Variants in DST observed in about 807,000 individuals in gnomAD.
DST encodes the protein bullous pemphigoid antigen.
DST carries 253 observed loss-of-function variants against 875.2 expected under a neutral mutation model. That is an observed-to-expected ratio of 0.29 (90% confidence interval 0.26 to 0.32). The LOEUF (loss-of-function observed/expected upper bound fraction) is 0.32. Among genes scored for constraint, DST ranks in the 10% least tolerant of loss-of-function variants. The pLI, the probability that DST is intolerant of heterozygous loss-of-function variation, is 1.00. For missense variants in DST, 8,287 were observed against 9,111.6 expected, an observed-to-expected ratio of 0.91 and a Z score of 3.68; for synonymous variants, 3,124 against 3,197.1, an observed-to-expected ratio of 0.98 and a Z score of 0.77.
chr6:56,891,576 A>G (rs1787520083), intron 3 of DST, among the ~76,000 whole-genome samples: 1 of 150,966 alleles, frequency 6.6e-6, no homozygotes. Context: ...AAAAAAAAAA[A>G]AAAAAAAAAA....
chr6:56,557,447 G>C lies in DST; in HGVS notation c.14512C>G (p.Leu4838Val). The part of the protein sequence containing the change: ...QQKLEESSNN[L>V]TQFQTVEAQL... ...GCCTCTACAGTCTGGAACTGGGTTA[G>C]ATTATTGGAGGATTCTTCCAGTTTT... The change falls in exon 59 of 104, where the codon CTA (leucine) becomes GTA (valine). Residue 4838 changes from leucine to valine, a missense_variant. Physicochemically the swap from Leu to Val is conservative, Grantham distance 32 (BLOSUM62 1). Coordinates refer to ENST00000680361, the MANE Select transcript of DST (RefSeq NM_001374736.1). 1 of 1,613,692 alleles carries C rather than the reference G, an allele frequency of 6.2e-7. No individual in the cohort carries two copies. Among genetic ancestry groups the C allele is most frequent in the Non-Finnish European group, 8.5e-7 (1 of 1,179,698 alleles).
intron 10 of DST, 191 bp downstream of exon 10, chr6:56,670,450 T>C: frequency 2.5e-6 from 1 of 401,356 alleles, no homozygotes. Context: ...CTACCCACTT[T>C]GGCTTCCCTA....
chr6:56,518,599 T>G (rs2096639677), intron 69 of DST, among the ~76,000 whole-genome samples: 1 of 152,206 alleles, frequency 6.6e-6, no homozygotes, highest in Non-Finnish European at 1.5e-5. Flanking sequence ...TCTGTTGGCA[T>G]CTCTAGTTAG....
In DST at chr6:56,670,440, CT is replaced by C. The variant is rs2099095765; in HGVS notation, c.1214+200del. On this transcript the variant is annotated intron_variant, in intron 10 of 103. Coordinates refer to ENST00000680361, the MANE Select transcript of DST (RefSeq NM_001374736.1). ...TCTCGAACTCCCAGGCTCAAGCAAT[CT>C]ACCCACTTTGGCTTCCCTAAGTCCT... The C allele has an allele frequency of 2.1e-5, 8 of 382,598 alleles. No homozygotes were observed. The South Asian group carries it at 5.5e-4, about 26-fold the overall frequency. The allele number at this position is 382,598 out of a possible 1,614,324, so 23.7% of individuals were successfully genotyped here. A position where few individuals can be genotyped will look rare whatever the true frequency, so the allele number is the denominator to read the frequency against.
intron 50 of DST, among the ~76,000 whole-genome samples, 187 bp downstream of exon 50, chr6:56,578,627 G>A (rs190642426): frequency 3.3e-5 from 5 of 152,108 alleles, no homozygotes; most frequent in South Asian, 2.1e-4. Context: ...CATAGCCCCC[G>A]CCTCTAAGAT....
chr6:56,597,978 C>G lies in DST; in HGVS notation c.11957G>C (p.Ser3986Thr). The G allele has an allele frequency of 6.2e-7, 1 of 1,608,036 alleles. No individual in the cohort carries two copies. The highest frequency in any genetic ancestry group is 8.5e-7 in the Non-Finnish European group (1 of 1,176,446). The change falls in exon 47 of 104, where the codon AGC (serine) becomes ACC (threonine). Residue 3986 changes from serine to threonine, a missense_variant. Ser to Thr is a moderately conservative substitution (Grantham distance 58, BLOSUM62 1). Transcript: ENST00000680361. ...KVAAVKQLEE[S>T]KTKIENLLDW... ...CAAAAGGTTTTCTATTTTGGTTTTGCTCTCTTCCAGCTGCTTCACTGCTGC... is the reference window on the plus strand; with the variant it reads ...CAAAAGGTTTTCTATTTTGGTTTTGGTCTCTTCCAGCTGCTTCACTGCTGC...
intron 99 of DST, among the ~76,000 whole-genome samples, chr6:56,465,547 G>A (rs1173538343): frequency 6.6e-6 from 1 of 151,908 alleles, no homozygotes; most frequent in East Asian, 1.9e-4. Flanking sequence ...GAGAGCTATA[G>A]TATTATATGT....
At chr6:56,530,739 A>G (rs532803206) in intron 64 of DST, among the ~76,000 whole-genome samples, 2 of 152,190 alleles carry the variant, frequency 1.3e-5, no homozygotes, top group Non-Finnish European at 1.5e-5. Flanking sequence ...TTGGACTTTT[A>G]CTGGTACTTT....
intron 34 of DST, among the ~76,000 whole-genome samples, chr6:56,625,990 A>T (rs562596157): frequency 2.4e-4 from 36 of 147,756 alleles, no homozygotes; most frequent in African/African-American, 9.3e-4. Flanking sequence ...AAAAAAAAAA[A>T]CCAAAAATTA....
intron 9 of DST, among the ~76,000 whole-genome samples, chr6:56,691,335 C>T (rs927448484): frequency 1.3e-5 from 2 of 152,040 alleles, no homozygotes; most frequent in African/African-American, 4.8e-5. Flanking sequence ...ATAAACAGAA[C>T]TGATGGCATA....
intron 72 of DST, among the ~76,000 whole-genome samples, chr6:56,514,952 T>C (rs568512071): frequency 6.6e-6 from 1 of 152,258 alleles, no homozygotes; most frequent in Non-Finnish European, 1.5e-5. Flanking sequence ...AACAAAATAA[T>C]CTGTCTTTAT....
In DST at chr6:56,506,742, A is replaced by AACTATATCC; in HGVS notation, c.19278_19286dup (p.Asp6427_Val6429dup). 6.2e-7 allele frequency: 1 copy of AACTATATCC among 1,613,600 alleles called. No homozygotes were observed. Among genetic ancestry groups the AACTATATCC allele is most frequent in the Non-Finnish European group, 8.5e-7 (1 of 1,179,626 alleles). ...CAATGAGTTCAGAACCTAGGTTAAT[A>AACTATATCC]ACTATATCCAGCTCCTCCTGTAGTC... On this transcript the variant is annotated inframe_insertion, in exon 76 of 104. Coordinates refer to ENST00000680361, the MANE Select transcript of DST (RefSeq NM_001374736.1).
intron 4 of DST, among the ~76,000 whole-genome samples, chr6:56,736,583 T>A (rs2099525218): frequency 6.6e-6 from 1 of 152,162 alleles, no homozygotes; most frequent in Non-Finnish European, 1.5e-5. Flanking sequence ...ATCCTTTCCC[T>A]GGGGGTAAGA....
intron 2 of DST, among the ~76,000 whole-genome samples, chr6:56,931,053 G>A (rs1030711983): frequency 2.0e-5 from 3 of 152,184 alleles, no homozygotes; most frequent in Admixed American, 2.0e-4. Context: ...TTATAGCCTG[G>A]CATAAATTAG....
chr6:56,592,008 GA>G (rs1005941540), intron 49 of DST, among the ~76,000 whole-genome samples, 173 bp downstream of exon 49: 4 of 146,580 alleles, frequency 2.7e-5, no homozygotes, highest in African/African-American at 5.0e-5. Context: ...AAAAAATTCG[GA>G]AAAAAAAAGA....
rs2094168698 is a variant in DST, at chr6:56,458,390, AT to A, written c.*614del. On this transcript the variant is annotated 3_prime_UTR_variant, in exon 104 of 104. Coordinates refer to ENST00000680361, the MANE Select transcript of DST (RefSeq NM_001374736.1). Reference sequence around the variant, plus strand: ...CACTTTATACTTATATTCTTACAGTATAATAGGTCTAATATCCAGGATGCCT... The same window carrying A: ...CACTTTATACTTATATTCTTACAGTAAATAGGTCTAATATCCAGGATGCCT... 6.6e-6 allele frequency: 1 copy of A among 152,344 alleles called. No individual in the cohort carries two copies. The highest frequency in any genetic ancestry group is 2.1e-4 in the South Asian group (1 of 4,836). The allele number at this position is 152,344 out of a possible 1,614,324, so 9.4% of individuals were successfully genotyped here. A position where few individuals can be genotyped will look rare whatever the true frequency, so the allele number is the denominator to read the frequency against.
intron 22 of DST, among the ~76,000 whole-genome samples, chr6:56,637,107 A>AC (rs372231287): frequency 7.6e-5 from 11 of 145,448 alleles, no homozygotes; most frequent in Middle Eastern, 3.5e-3. Flanking sequence ...AAACAAACAA[A>AC]CAAAAAAAAA....
chr6:56,517,510 T>C lies in DST; in HGVS notation c.18240A>G (p.Gln6080=), dbSNP rs756218076. 1.1e-5 allele frequency: 17 copies of C among 1,612,590 alleles called. No individual in the cohort carries two copies. The South Asian group carries it at 1.3e-4, about 13-fold the overall frequency. The stretch of plus-strand genomic sequence containing the variant: ...AAATGTATTTCTTCACCTTTTGAAC[T>C]TGAAGCTGAGCAGAAGTCTGGTCTT... ...LEQDQTSAQL[Q]VQKTFTMEIL... is the part of the protein sequence containing the mutation. Residue 6080 remains glutamine (Q), a synonymous_variant, in exon 70 of 104, where the codon CAA becomes CAG. Coordinates refer to ENST00000680361, the MANE Select transcript of DST (RefSeq NM_001374736.1).
chr6:56,534,694 T>C (rs1270832038), intron 63 of DST, among the ~76,000 whole-genome samples: 2 of 152,170 alleles, frequency 1.3e-5, no homozygotes, highest in Non-Finnish European at 2.9e-5. Context: ...TTCATGACCC[T>C]ATTTAAAATT....
Sources: allele counts gnomAD v4.1 joint callset (sites outside exome capture counted in the v4.1 genomes callset), GRCh38; gene constraint gnomAD v4.1.1; transcripts MANE v1.5; gene names NCBI Gene and HGNC (gene_info 2026-07-23, HGNC 2026-07-21).